The following CTTN variants were observed in gnomAD, a reference collection of about 807,000 sequenced individuals.
The protein encoded by CTTN is src substrate cortactin.
Under a neutral mutation model 84.0 loss-of-function variants are expected in CTTN, and 28 were observed. That is an observed-to-expected ratio of 0.33 (90% CI 0.25 to 0.46). The LOEUF (loss-of-function observed/expected upper bound fraction) is 0.46. Among genes scored for constraint, CTTN ranks in the 20% least tolerant of loss-of-function variants. The pLI is 1.00. For missense variants in CTTN, 641 were observed against 723.8 expected, an observed-to-expected ratio of 0.89 and a Z score of 1.31; for synonymous variants, 301 against 288.8, an observed-to-expected ratio of 1.04 and a Z score of -0.43.
chr11:70,426,034 C>T (rs1230083912), intron 13 of CTTN, among the ~76,000 whole-genome samples: 1 of 152,104 alleles, frequency 6.6e-6, no homozygotes, highest in Non-Finnish European at 1.5e-5. Context: ...GATTGAGGGC[C>T]CAGGACGCTT....
At position 70,435,251 on chromosome 11, in the gene CTTN, C is replaced by CTTTTTT; in HGVS notation, c.*90_*91insTTTTTT. On this transcript the variant is annotated 3_prime_UTR_variant, in exon 18 of 18. Coordinates refer to ENST00000301843, the MANE Select transcript of CTTN (RefSeq NM_005231.4). ...GTTCTTGGGTGGTTTTGGGTTTTTT[C>CTTTTTT]TGTTTTTTTTTTTTTTTTTTTTTTT... The CTTTTTT allele has an allele frequency of 1.0e-6, 1 of 978,278 alleles. No individual in the cohort carries two copies. Among genetic ancestry groups the CTTTTTT allele is most frequent in the South Asian group, 2.5e-5 (1 of 39,786 alleles). 60.6% of individuals were successfully genotyped at this position (978,278 alleles called of 1,614,324 possible).
intron 13 of CTTN, among the ~76,000 whole-genome samples, chr11:70,427,740 C>T (rs1319546489): frequency 6.6e-6 from 1 of 152,250 alleles, no homozygotes; most frequent in Admixed American, 6.5e-5. Flanking sequence ...TTGTGCTCGT[C>T]TTCCAGTTGT....
chr11:70,435,272 T>G lies in CTTN; in HGVS notation c.*110T>G. On this transcript the variant is annotated 3_prime_UTR_variant, in exon 18 of 18. Coordinates refer to ENST00000301843, the MANE Select transcript of CTTN (RefSeq NM_005231.4). ...TTTTCTGTTTTTTTTTTTTTTTTTT[T>G]TTTTTTGAAGGTGGGGAGGGGAATA... 1 of 1,393,990 alleles carries G rather than the reference T, an allele frequency of 7.2e-7. No individual in the cohort carries two copies. The highest frequency in any genetic ancestry group is 9.3e-7 in the Non-Finnish European group (1 of 1,079,912). 86.4% of individuals were successfully genotyped at this position (1,393,990 alleles called of 1,614,324 possible).
At chr11:70,413,529 G>T (rs1208561716) in intron 5 of CTTN, among the ~76,000 whole-genome samples, 1 of 152,212 alleles carries the variant, frequency 6.6e-6, no homozygotes, top group African/African-American at 2.4e-5. Flanking sequence ...CAGCACACCT[G>T]TGAATGGCTG....
intron 1 of CTTN, among the ~76,000 whole-genome samples, chr11:70,401,276 C>T (rs1358456940): frequency 2.0e-5 from 3 of 151,716 alleles, no homozygotes; most frequent in Non-Finnish European, 4.4e-5. Context: ...TGACACCATC[C>T]TGGCTAACAC....
intron 9 of CTTN, chr11:70,420,170 TG>T (rs2058214079): frequency 1.7e-6 from 1 of 598,740 alleles, no homozygotes; most frequent in East Asian, 2.8e-5. Flanking sequence ...GGAGCTTCCA[TG>T]GGGTCCTGTC....
chr11:70,426,328 G>A (rs1565497807), intron 13 of CTTN, among the ~76,000 whole-genome samples: 2 of 151,642 alleles, frequency 1.3e-5, no homozygotes, highest in South Asian at 2.1e-4. Context: ...GGAGAATGGC[G>A]TGAACCCAGG....
At chr11:70,431,399 G>A (rs1382780298) in intron 15 of CTTN, 119 bp downstream of exon 15, 5 of 1,081,990 alleles carry the variant, frequency 4.6e-6, no homozygotes, top group African/African-American at 1.6e-5. Context: ...AGAGGGCATC[G>A]CTGCATTCCA....
At position 70,415,713 on chromosome 11, in the gene CTTN, G is replaced by A; in HGVS notation, c.453G>A (p.Gln151=). The A allele has an allele frequency of 6.2e-7, 1 of 1,614,190 alleles. No homozygotes were observed. The highest frequency in any genetic ancestry group is 8.5e-7 in the Non-Finnish European group (1 of 1,180,000). The change falls in exon 7 of 18, where the codon CAG becomes CAA. Residue 151 remains glutamine, a synonymous_variant. Transcript: ENST00000301843. ...GGAAGACTGAGAAGCATGCCTCCCA[G>A]AAAGGTAAGACGCGAAAGGTGCAGA... ...YQGKTEKHAS[Q]KDYSSGFGGK... is the part of the protein sequence containing the mutation.
In CTTN at chr11:70,400,261, G is replaced by A. The variant is rs151033860; in HGVS notation, c.-98+1647G>A. ...AGGTGAGAGGATCGTTTGAGGCCAGGAGTTCCAGACTAGCCTGGGCAACAC... is the reference window on the plus strand; with the variant it reads ...AGGTGAGAGGATCGTTTGAGGCCAGAAGTTCCAGACTAGCCTGGGCAACAC... On this transcript the variant is annotated intron_variant, in intron 1 of 17. Coordinates refer to ENST00000301843, the MANE Select transcript of CTTN (RefSeq NM_005231.4). 5.5e-3 allele frequency among the ~76,000 whole-genome samples: 836 copies of A among 152,242 alleles called. 6 individuals carry two copies. The highest frequency in any genetic ancestry group is 7.7e-3 in the Non-Finnish European group (524 of 67,996).
Position 70,435,390 on chromosome 11 carries a change from G to C in CTTN, c.*228G>C, listed in dbSNP as rs2058406043. 2 of 1,494,120 alleles carry C rather than the reference G, an allele frequency of 1.3e-6. No homozygotes were observed. Among genetic ancestry groups the C allele is most frequent in the Non-Finnish European group, 1.8e-6 (2 of 1,132,936 alleles). 92.6% of individuals were successfully genotyped at this position (1,494,120 alleles called of 1,614,324 possible). A position where few individuals can be genotyped will look rare whatever the true frequency, so the allele number is the denominator to read the frequency against. Reference sequence around the variant, plus strand: ...TAATATATTGTAATCACATTCCTTAGGAGGACTTTGGTAATTGGTTTTATG... The same window carrying C: ...TAATATATTGTAATCACATTCCTTACGAGGACTTTGGTAATTGGTTTTATG... On this transcript the variant is annotated 3_prime_UTR_variant, in exon 18 of 18. Coordinates refer to ENST00000301843, the MANE Select transcript of CTTN (RefSeq NM_005231.4).
chr11:70,435,604 T>C lies in CTTN; in HGVS notation c.*442T>C, dbSNP rs2135603499. On this transcript the variant is annotated 3_prime_UTR_variant, in exon 18 of 18. Transcript: ENST00000301843. ...GGAAGGACTGTCCCAGACGAGGGGC[T>C]TCCTCTAGAGTCTCACTGCTGGGGA... The C allele has an allele frequency of 6.3e-7, 1 of 1,584,262 alleles. No individual in the cohort carries two copies. Among genetic ancestry groups the C allele is most frequent in the South Asian group, 1.1e-5 (1 of 88,772 alleles).
intron 6 of CTTN, 113 bp from the exon 7 acceptor site, chr11:70,415,550 G>A: frequency 1.0e-6 from 1 of 992,922 alleles, no homozygotes; most frequent in Non-Finnish European, 1.6e-6. Context: ...AGAGGTCACA[G>A]CATCATGTGT....
At chr11:70,420,345 C>T in intron 9 of CTTN, 55 bp from the exon 10 acceptor site, 3 of 1,153,994 alleles carry the variant, frequency 2.6e-6, no homozygotes, top group Admixed American at 1.7e-5. Context: ...TACTTTCCAC[C>T]TGTGACCTGC....
At chr11:70,431,627 G>C (rs960278341) in intron 15 of CTTN, among the ~76,000 whole-genome samples, 1 of 152,076 alleles carries the variant, frequency 6.6e-6, no homozygotes, top group African/African-American at 2.4e-5. Flanking sequence ...GCAGGACGCC[G>C]CCTCACTCCC....
intron 12 of CTTN, among the ~76,000 whole-genome samples, chr11:70,424,230 G>A (rs1473247534): frequency 1.3e-5 from 2 of 152,148 alleles, no homozygotes; most frequent in African/African-American, 4.8e-5. Flanking sequence ...GACAGACGGA[G>A]GGAAGGAGCT....
chr11:70,423,058 T>G (rs2058258774), intron 12 of CTTN, 63 bp downstream of exon 12: 2 of 1,590,208 alleles, frequency 1.3e-6, no homozygotes, highest in Middle Eastern at 1.7e-4. Flanking sequence ...TGGGCGTGGC[T>G]CACCGTGCTG....
intron 12 of CTTN, among the ~76,000 whole-genome samples, chr11:70,424,173 TG>T (rs2058275471): frequency 6.6e-6 from 1 of 151,926 alleles, no homozygotes; most frequent in Admixed American, 6.6e-5. Flanking sequence ...CAGAGGACAC[TG>T]GGCAGGGGGA....
rs200769289 is a variant in CTTN at position 70,433,095 on chromosome 11, C to T, written c.1267-6C>T. ...CCCGTGCCATGTGCGTGTGACCCTT[C>T]CCCAGGATGCGGCTTCCTTCAAGGC... is the stretch of plus-strand genomic sequence containing the variant. On this transcript the variant is annotated splice_region_variant and splice_polypyrimidine_tract_variant and intron_variant, in intron 15 of 17. Transcript: ENST00000301843. 56 of 1,612,736 alleles carry T rather than the reference C, an allele frequency of 3.5e-5. No homozygotes were observed. The African/African-American group carries it at 6.8e-4, about 20-fold the overall frequency.
Sources: gnomAD v4.1 joint callset for allele counts (sites outside exome capture counted in the v4.1 genomes callset) on GRCh38, gnomAD v4.1.1 for gene constraint, MANE v1.5 for transcripts, NCBI Gene and HGNC (gene_info 2026-07-23, HGNC 2026-07-21) for gene names.